CXCL13: variants seen among roughly 807,000 people sequenced by gnomAD.
The protein encoded by CXCL13 is C-X-C motif chemokine ligand 13, also known as C-X-C motif chemokine 13.
CXCL13 carries 7 observed loss-of-function variants against 12.2 expected under a neutral mutation model. That is an observed-to-expected ratio of 0.57 (90% CI 0.33 to 1.07). The LOEUF is 1.07. Among genes scored for constraint, CXCL13 ranks in the 50% least tolerant of loss-of-function variants. The pLI is 0.04. For synonymous variants in CXCL13, 47 were observed against 42.4 expected, an observed-to-expected ratio of 1.11 and a Z score of -0.42; for missense variants, 113 against 127.4, an observed-to-expected ratio of 0.89 and a Z score of 0.55.
intron 1 of CXCL13, among the ~76,000 whole-genome samples, chr4:77,531,088 A>C (rs1724903825): frequency 6.9e-6 from 1 of 145,396 alleles, no homozygotes; most frequent in Admixed American, 6.9e-5. Flanking sequence ...AGTGTTTTTG[A>C]GTGAGTTTCT....
At chr4:77,543,237 T>C (rs1225818311) in intron 1 of CXCL13, among the ~76,000 whole-genome samples, 1 of 152,098 alleles carries the variant, frequency 6.6e-6, no homozygotes, top group Admixed American at 6.6e-5. Flanking sequence ...GTTGTGCTTA[T>C]TTTTCCTGTT....
At chr4:77,528,955 A>C (rs1424627806) in intron 1 of CXCL13, among the ~76,000 whole-genome samples, 1 of 152,188 alleles carries the variant, frequency 6.6e-6, no homozygotes, top group African/African-American at 2.4e-5. Context: ...TAATTTTTGT[A>C]TAAGGTGTAA....
intron 1 of CXCL13, among the ~76,000 whole-genome samples, chr4:77,565,098 T>C (rs1443529321): frequency 2.6e-5 from 4 of 152,214 alleles, no homozygotes; most frequent in Admixed American, 6.5e-5. Flanking sequence ...TCTTCCACAA[T>C]GAGAGGGAAC....
At chr4:77,554,320 A>G (rs1006869540) in intron 1 of CXCL13, among the ~76,000 whole-genome samples, 2 of 152,204 alleles carry the variant, frequency 1.3e-5, no homozygotes, top group African/African-American at 4.8e-5. Flanking sequence ...TTACCTTAAG[A>G]AAACTAGAGT....
At chr4:77,593,570 A>G (rs1233141406) in intron 1 of CXCL13, among the ~76,000 whole-genome samples, 2 of 152,244 alleles carry the variant, frequency 1.3e-5, no homozygotes, top group East Asian at 3.8e-4. Context: ...AAACTACCTT[A>G]AATTTGAAAA....
chr4:77,568,624 G>A (rs529583319), intron 1 of CXCL13, among the ~76,000 whole-genome samples: 20 of 152,238 alleles, frequency 1.3e-4, no homozygotes, highest in Admixed American at 5.2e-4. Context: ...GTTAGGTCTC[G>A]TGCCTCTGGT....
chr4:77,562,695 C>T (rs192127178), intron 1 of CXCL13, among the ~76,000 whole-genome samples: 1 of 139,136 alleles, frequency 7.2e-6, no homozygotes, highest in Non-Finnish European at 1.5e-5. Context: ...GGATTGTAAA[C>T]ATACCAATCA....
rs1429253069 is a variant in CXCL13 at position 77,546,335 on chromosome 4, C to A, written c.-43+34547C>A. Among the ~76,000 whole-genome samples, 3 of 152,194 alleles carry A rather than the reference C, an allele frequency of 2.0e-5. No individual in the cohort carries two copies. The East Asian group carries it at 5.8e-4, about 29-fold the overall frequency. ...TTCAGAAGTAATGGTACCAGCTCTT[C>A]TTTGTACCTCTGGTAGAATTCGGCT... On this transcript the variant is annotated intron_variant, in intron 1 of 4. Transcript: ENST00000286758.
chr4:77,606,658 C>A (rs1259481838), intron 1 of CXCL13, among the ~76,000 whole-genome samples: 1 of 152,228 alleles, frequency 6.6e-6, no homozygotes, highest in Admixed American at 6.5e-5. Flanking sequence ...CTCCACGGGG[C>A]TTTCCCATGG....
upstream of CXCL13, among the ~76,000 whole-genome samples, chr4:77,604,342 T>C (rs1312736616): frequency 6.6e-6 from 1 of 152,184 alleles, no homozygotes; most frequent in Non-Finnish European, 1.5e-5. Context: ...TTCAGCCTCC[T>C]TCCTCCTTCT....
chr4:77,536,423 A>T (rs1001771371), intron 1 of CXCL13, among the ~76,000 whole-genome samples: 2 of 152,162 alleles, frequency 1.3e-5, no homozygotes, highest in Admixed American at 1.3e-4. Context: ...AATCACTAAG[A>T]GTATAGGTTC....
chr4:77,576,929 T>C (rs1190049574), intron 1 of CXCL13, among the ~76,000 whole-genome samples: 1 of 152,194 alleles, frequency 6.6e-6, no homozygotes, highest in Non-Finnish European at 1.5e-5. Flanking sequence ...ACATTTGTCA[T>C]TAAATTCCAG....
At chr4:77,552,530 T>G (rs913550171) in intron 1 of CXCL13, among the ~76,000 whole-genome samples, 2 of 152,198 alleles carry the variant, frequency 1.3e-5, no homozygotes, top group African/African-American at 4.8e-5. Flanking sequence ...GAAATGGGCT[T>G]ATTTATGGGG....
At chr4:77,522,663 A>C (rs1454799307) in intron 1 of CXCL13, among the ~76,000 whole-genome samples, 1 of 150,824 alleles carries the variant, frequency 6.6e-6, no homozygotes, top group African/African-American at 2.4e-5. Flanking sequence ...TTCTTTATCC[A>C]ATTTATCAGT....
At chr4:77,592,775 A>G (rs1726646223) in intron 1 of CXCL13, among the ~76,000 whole-genome samples, 1 of 152,146 alleles carries the variant, frequency 6.6e-6, no homozygotes, top group African/African-American at 2.4e-5. Flanking sequence ...CTCAAGATTC[A>G]GTTTTGAGTG....
intron 1 of CXCL13, among the ~76,000 whole-genome samples, chr4:77,518,452 C>T (rs907230418): frequency 1.3e-5 from 2 of 152,180 alleles, no homozygotes; most frequent in Non-Finnish European, 2.9e-5. Context: ...TAGATTTGGT[C>T]TTTTCACATA....
At chr4:77,548,891 G>T (rs1322410209) in intron 1 of CXCL13, among the ~76,000 whole-genome samples, 1 of 152,194 alleles carries the variant, frequency 6.6e-6, no homozygotes, top group Non-Finnish European at 1.5e-5. Flanking sequence ...TGCATTGCTA[G>T]GTTGGGGAAG....
chr4:77,560,732 G>A (rs754147100), intron 1 of CXCL13, among the ~76,000 whole-genome samples: 7 of 152,234 alleles, frequency 4.6e-5, no homozygotes, highest in East Asian at 1.9e-4. Flanking sequence ...TAAACATCAC[G>A]CACGGTCTTT....
chr4:77,523,866 G>T (rs772469402), intron 1 of CXCL13, among the ~76,000 whole-genome samples: 14 of 152,158 alleles, frequency 9.2e-5, no homozygotes, highest in Admixed American at 2.0e-4. Context: ...CTTGGTCTTT[G>T]ATGTTGGTGA....
Sources: gnomAD v4.1 joint callset for allele counts (sites outside exome capture counted in the v4.1 genomes callset) on GRCh38, gnomAD v4.1.1 for gene constraint, MANE v1.5 for transcripts, NCBI Gene and HGNC (gene_info 2026-07-23, HGNC 2026-07-21) for gene names.